BFSP2: variants seen among roughly 807,000 people sequenced by gnomAD.
BFSP2 encodes phakinin.
Under a neutral mutation model 44.9 loss-of-function variants are expected in BFSP2, and 38 were observed. That is an observed-to-expected ratio of 0.85 (90% confidence interval 0.65 to 1.11). The LOEUF (loss-of-function observed/expected upper bound fraction) is 1.11. BFSP2 is among the 50% of genes least tolerant of loss of function. BFSP2 has a pLI of 0.00. For missense variants in BFSP2, 525 were observed against 533.0 expected (o/e 0.99, Z 0.15); for synonymous variants, 197 against 209.9 (o/e 0.94, Z 0.53).
rs554939282 is a variant in BFSP2 at position 133,430,827 on chromosome 3, G to C, written c.490-16490G>C. ...CTCCCCTCCTCACCAGGCCGAGCTA[G>C]GTCCCAATTCTTCCTCAGCCTCCGC... On this transcript the variant is annotated intron_variant, in intron 1 of 6. Transcript: ENST00000302334. Among the ~76,000 whole-genome samples, 515 of 152,106 alleles carry C rather than the reference G, an allele frequency of 3.4e-3. 1 individual carries two copies. The highest frequency in any genetic ancestry group is 5.6e-3 in the Non-Finnish European group (383 of 67,990).
chr3:133,401,212 G>C (rs1345017026), intron 1 of BFSP2, among the ~76,000 whole-genome samples: 1 of 152,154 alleles, frequency 6.6e-6, no homozygotes, highest in East Asian at 1.9e-4. Flanking sequence ...TGTCCAGAAT[G>C]TTATTTCAAC....
chr3:133,451,813 T>C (rs1170604241), intron 4 of BFSP2, among the ~76,000 whole-genome samples: 2 of 152,214 alleles, frequency 1.3e-5, no homozygotes, highest in Non-Finnish European at 2.9e-5. Flanking sequence ...ACCTCATAAA[T>C]AATACAGGAA....
chr3:133,420,920 A>G (rs2073587190), intron 1 of BFSP2, among the ~76,000 whole-genome samples: 1 of 152,230 alleles, frequency 6.6e-6, no homozygotes, highest in Non-Finnish European at 1.5e-5. Context: ...CTGAGTTAGA[A>G]CATAGCAAGT....
intron 1 of BFSP2, among the ~76,000 whole-genome samples, chr3:133,409,345 T>C (rs192808176): frequency 2.6e-5 from 4 of 152,262 alleles, no homozygotes; most frequent in Admixed American, 1.3e-4. Flanking sequence ...AGTTGTAAGA[T>C]GCATGACGTT....
At chr3:133,439,369 T>G (rs1174778276) in intron 1 of BFSP2, among the ~76,000 whole-genome samples, 1 of 152,228 alleles carries the variant, frequency 6.6e-6, no homozygotes, top group African/African-American at 2.4e-5. Flanking sequence ...TTAACAAACA[T>G]TTATTGAGCA....
chr3:133,459,580 T>C (rs1245735674), intron 4 of BFSP2, among the ~76,000 whole-genome samples: 1 of 152,174 alleles, frequency 6.6e-6, no homozygotes, highest in Non-Finnish European at 1.5e-5. Flanking sequence ...ACAGAGAAAC[T>C]TGTAGCCCAG....
intron 5 of BFSP2, among the ~76,000 whole-genome samples, chr3:133,467,658 A>G (rs938958050): frequency 1.3e-5 from 2 of 152,188 alleles, no homozygotes; most frequent in Admixed American, 1.3e-4. Flanking sequence ...TGTATTAATA[A>G]TGAAGCAATC....
At chr3:133,416,772 C>T (rs1278906398) in intron 1 of BFSP2, among the ~76,000 whole-genome samples, 1 of 137,262 alleles carries the variant, frequency 7.3e-6, no homozygotes, top group Non-Finnish European at 1.6e-5. Context: ...CTTGCCCCTA[C>T]ACTCTCCCTT....
chr3:133,405,274 C>A (rs2073395073), intron 1 of BFSP2, among the ~76,000 whole-genome samples: 1 of 152,206 alleles, frequency 6.6e-6, no homozygotes. Flanking sequence ...GCAGCTTATA[C>A]CTCCAAAGGA....
chr3:133,443,735 T>C (rs2073867477), intron 1 of BFSP2, among the ~76,000 whole-genome samples: 1 of 152,204 alleles, frequency 6.6e-6, no homozygotes. Flanking sequence ...TCCAAGGGAA[T>C]CTTGCATCTT....
Position 133,428,631 on chromosome 3 carries a change from A to C in BFSP2, c.490-18686A>C, listed in dbSNP as rs912312411. On this transcript the variant is annotated intron_variant, in intron 1 of 6. Coordinates refer to ENST00000302334, the MANE Select transcript of BFSP2 (RefSeq NM_003571.4). ...AACTTAGATTCCTCTGATGTTGGCA[A>C]GTGCCCAGGAAATATCTTGTCAGAG... is the stretch of plus-strand genomic sequence containing the variant. 2.4e-4 allele frequency among the ~76,000 whole-genome samples: 37 copies of C among 152,060 alleles called. 1 individual carries two copies. Among genetic ancestry groups the C allele is most frequent in the Admixed American group, 2.2e-3 (33 of 15,262 alleles).
At chr3:133,472,692 C>A in intron 6 of BFSP2, 127 bp downstream of exon 6, 1 of 1,102,494 alleles carries the variant, frequency 9.1e-7, no homozygotes, top group Non-Finnish European at 1.3e-6. Flanking sequence ...CATAGGCACC[C>A]ATTCCCACAG....
intron 1 of BFSP2, among the ~76,000 whole-genome samples, chr3:133,438,136 G>A (rs2073809012): frequency 6.6e-6 from 1 of 152,216 alleles, no homozygotes; most frequent in Non-Finnish European, 1.5e-5. Flanking sequence ...TGGAGGGTGA[G>A]TAAGTTAAAT....
intron 1 of BFSP2, among the ~76,000 whole-genome samples, chr3:133,446,572 A>T (rs71627949): frequency 0.77 from 31,525 of 40,716 alleles, 11,208 homozygotes; most frequent in Middle Eastern, 0.92. Flanking sequence ...CTCACCATTT[A>T]TATATATATA....
chr3:133,409,105 T>G (rs2073427093), intron 1 of BFSP2, among the ~76,000 whole-genome samples: 1 of 152,238 alleles, frequency 6.6e-6, no homozygotes, highest in Admixed American at 6.5e-5. Flanking sequence ...AAGTGGCTTT[T>G]TAAACCACAG....
chr3:133,456,309 T>C (rs1174826539), intron 4 of BFSP2, among the ~76,000 whole-genome samples: 2 of 152,206 alleles, frequency 1.3e-5, no homozygotes, highest in Admixed American at 6.5e-5. Context: ...TAGATTGAAA[T>C]GAATTGTGAG....
intron 4 of BFSP2, among the ~76,000 whole-genome samples, chr3:133,458,551 C>T (rs1258546213): frequency 2.6e-5 from 4 of 151,908 alleles, no homozygotes; most frequent in South Asian, 2.1e-4. Flanking sequence ...AAAAATTAGC[C>T]GGGTGTGGTG....
intron 1 of BFSP2, among the ~76,000 whole-genome samples, chr3:133,437,959 A>C (rs1032807322): frequency 2.0e-5 from 3 of 152,254 alleles, no homozygotes; most frequent in African/African-American, 4.8e-5. Flanking sequence ...AGAGTAGCAT[A>C]GTAATTAAAC....
At chr3:133,435,812 T>C (rs2073775160) in intron 1 of BFSP2, among the ~76,000 whole-genome samples, 1 of 152,214 alleles carries the variant, frequency 6.6e-6, no homozygotes. Context: ...GAATTATCCA[T>C]TTGTAAACTG....
Sources: allele counts gnomAD v4.1 joint callset (sites outside exome capture counted in the v4.1 genomes callset), GRCh38; gene constraint gnomAD v4.1.1; transcripts MANE v1.5; gene names NCBI Gene and HGNC (gene_info 2026-07-23, HGNC 2026-07-21).